BSN: variants seen among roughly 807,000 people sequenced by gnomAD.
BSN encodes the protein protein bassoon.
A neutral mutation model predicts 264.8 loss-of-function variants in BSN; 57 were observed. That is an observed-to-expected ratio of 0.22 (90% CI 0.17 to 0.27). BSN has a LOEUF of 0.27. Ranked by LOEUF, BSN falls within the 10% of genes least tolerant of loss-of-function variation. The pLI is 1.00. For synonymous variants in BSN, 2,059 were observed against 2,137.3 expected, an observed-to-expected ratio of 0.96 and a Z score of 1.01; for missense variants, 4,615 against 5,232.5, an observed-to-expected ratio of 0.88 and a Z score of 3.64.
At chr3:49,596,984 A>G (rs997636591) in intron 1 of BSN, among the ~76,000 whole-genome samples, 1 of 152,118 alleles carries the variant, frequency 6.6e-6, no homozygotes, top group African/African-American at 2.4e-5. Context: ...ATTTGCTTTC[A>G]TTTTTGAATG....
At chr3:49,582,952 C>CATTTATTT (rs36078084) in intron 1 of BSN, among the ~76,000 whole-genome samples, 64,707 of 143,540 alleles carry the variant, frequency 0.45, 15,902 homozygotes, top group East Asian at 0.85. Context: ...TGGTGTATTA[C>CATTTATTT]ATTTATTTAT....
intron 1 of BSN, among the ~76,000 whole-genome samples, chr3:49,592,607 C>G: frequency 6.6e-6 from 1 of 150,872 alleles, no homozygotes; most frequent in Non-Finnish European, 1.5e-5. Context: ...AAAAATTAGC[C>G]GGGCGTGGTG....
In BSN at chr3:49,651,946, A is replaced by G; in HGVS notation, c.2390A>G (p.Gln797Arg). 1.9e-6 allele frequency: 3 copies of G among 1,613,572 alleles called. No homozygotes were observed. Among genetic ancestry groups the G allele is most frequent in the Non-Finnish European group, 1.7e-6 (2 of 1,179,842 alleles). Reference sequence around the variant, plus strand: ...GAGTGGAGGCGCCGGAGAGAGCAGCAGGACACTGCCGAGTCCTCAGACGAC... The same window carrying G: ...GAGTGGAGGCGCCGGAGAGAGCAGCGGGACACTGCCGAGTCCTCAGACGAC... Reference protein sequence around the residue: ...SAEWRRRREQQDTAESSDDFG... With the variant: ...SAEWRRRREQRDTAESSDDFG... The change falls in exon 5 of 12, where the codon CAG becomes CGG. Residue 797 changes from glutamine (Q) to arginine (R), a missense_variant. Gln to Arg is a conservative substitution (Grantham distance 43). This residue lies in a region of BSN where 1,197 missense variants were observed against 1,348.0 expected (regional missense o/e 0.89). Transcript: ENST00000296452. The surrounding 1 kb of genome is among the most constrained non-coding windows in gnomAD (Gnocchi z 5.4).
intron 5 of BSN, among the ~76,000 whole-genome samples, chr3:49,658,581 C>T (rs1283318310): frequency 1.3e-5 from 2 of 152,142 alleles, no homozygotes; most frequent in African/African-American, 4.8e-5. Context: ...TGGGTGTTTC[C>T]TAAGAAAATC....
rs1304545730 is a variant in BSN at position 49,656,579 on chromosome 3, T to C, written c.7023T>C (p.Ala2341=). ...LAGQKPPADA[A]PGGGSGALSR... Reference sequence around the variant, plus strand: ...GCCAGAAGCCACCAGCAGATGCTGCTCCTGGGGGTGGCAGTGGGGCCCTCA... The same window carrying C: ...GCCAGAAGCCACCAGCAGATGCTGCCCCTGGGGGTGGCAGTGGGGCCCTCA... The change falls in exon 5 of 12, where the codon GCT becomes GCC. Residue 2341 remains alanine (A), a synonymous_variant. Transcript: ENST00000296452. 3.1e-6 allele frequency: 5 copies of C among 1,589,974 alleles called. No individual in the cohort carries two copies. Among genetic ancestry groups the C allele is most frequent in the Non-Finnish European group, 4.3e-6 (5 of 1,167,840 alleles).
chr3:49,652,723 A>G lies in BSN; in HGVS notation c.3167A>G (p.Gln1056Arg). 1 of 1,565,980 alleles carries G rather than the reference A, an allele frequency of 6.4e-7. No homozygotes were observed. Among genetic ancestry groups the G allele is most frequent in the Non-Finnish European group, 8.7e-7 (1 of 1,155,706 alleles). ...GAGGAAGAGGAGCTGCTTCGTGAGC[A>G]AGAGAAGATGCGGGAGGTGGAGCAG... is the stretch of plus-strand genomic sequence containing the variant. Reference protein sequence around the residue: ...LREEEELLREQEKMREVEQQR... With the variant: ...LREEEELLREREKMREVEQQR... Residue 1056 changes from glutamine to arginine, a missense_variant, in exon 5 of 12, where the codon CAA becomes CGA. Physicochemically the swap from Gln to Arg is conservative, Grantham distance 43. This residue lies in a region of BSN where 3,415 missense variants were observed against 3,866.4 expected (regional missense o/e 0.88). Coordinates refer to ENST00000296452, the MANE Select transcript of BSN (RefSeq NM_003458.4).
chr3:49,566,788 GAAAAAAAAA>G (rs36043715), intron 1 of BSN, among the ~76,000 whole-genome samples: 7 of 86,072 alleles, frequency 8.1e-5, no homozygotes, highest in Non-Finnish European at 1.5e-4. Context: ...TGTGTTTCAG[GAAAAAAAAA>G]AAAAAAAAAA....
At chr3:49,632,799 AGT>A (rs2052391582) in intron 2 of BSN, among the ~76,000 whole-genome samples, 1 of 151,868 alleles carries the variant, frequency 6.6e-6, no homozygotes, top group African/African-American at 2.4e-5. Context: ...CTAAAAAAAA[AGT>A]GGGGGGGAGC....
intron 1 of BSN, among the ~76,000 whole-genome samples, chr3:49,569,488 A>G (rs2051780425): frequency 6.6e-6 from 1 of 152,204 alleles, no homozygotes; most frequent in Non-Finnish European, 1.5e-5. Context: ...GGATAGAAAG[A>G]TGAACAGGTA....
At chr3:49,574,205 C>T (rs1043451013) in intron 1 of BSN, among the ~76,000 whole-genome samples, 5 of 135,100 alleles carry the variant, frequency 3.7e-5, no homozygotes, top group African/African-American at 8.3e-5. Context: ...TGGGCTAAAG[C>T]GATCTGCCTG....
At chr3:49,623,218 C>G (rs1246496849) in intron 1 of BSN, among the ~76,000 whole-genome samples, 1 of 152,168 alleles carries the variant, frequency 6.6e-6, no homozygotes, top group African/African-American at 2.4e-5. Flanking sequence ...AGAATCTTCT[C>G]CTGGGGCACT....
At chr3:49,574,739 G>A (rs2051828801) in intron 1 of BSN, among the ~76,000 whole-genome samples, 1 of 147,942 alleles carries the variant, frequency 6.8e-6, no homozygotes, top group Non-Finnish European at 1.5e-5. Context: ...GGGTTCAAGT[G>A]ATTCTCTTGC....
chr3:49,624,586 A>G (rs1048267597), intron 1 of BSN, among the ~76,000 whole-genome samples: 1 of 152,148 alleles, frequency 6.6e-6, no homozygotes, highest in African/African-American at 2.4e-5. Context: ...GGCTTGAGCC[A>G]CCATACCTGG....
intron 1 of BSN, among the ~76,000 whole-genome samples, chr3:49,621,295 A>C (rs145476037): frequency 6.6e-6 from 1 of 152,216 alleles, no homozygotes; most frequent in African/African-American, 2.4e-5. Context: ...AAGCCCTGAG[A>C]CTGGGTAAGT....
chr3:49,579,732 A>T (rs1476406742), intron 1 of BSN, among the ~76,000 whole-genome samples: 4 of 149,766 alleles, frequency 2.7e-5, no homozygotes, highest in Non-Finnish European at 5.9e-5. Context: ...GATGCGCTTT[A>T]AAAAATTGAA....
intron 1 of BSN, among the ~76,000 whole-genome samples, chr3:49,612,616 C>T (rs1202603753): frequency 6.6e-6 from 1 of 152,076 alleles, no homozygotes; most frequent in Admixed American, 6.6e-5. Flanking sequence ...CAAGGAGTTA[C>T]TAGGGAGGTG....
chr3:49,623,232 G>A (rs1006350894), intron 1 of BSN, among the ~76,000 whole-genome samples: 3 of 152,164 alleles, frequency 2.0e-5, no homozygotes, highest in Admixed American at 6.5e-5. Context: ...GGGCACTGAG[G>A]CAGCAGCTAC....
intron 1 of BSN, 129 bp downstream of exon 1, chr3:49,554,955 T>G (rs2051653806): frequency 1.9e-6 from 1 of 536,070 alleles, no homozygotes; most frequent in East Asian, 4.2e-5. Context: ...CCCTGCCGGA[T>G]TGGCGTGAAC....
rs1252348943 is a variant in BSN at position 49,585,139 on chromosome 3, CT to C, written c.224+30317del. ...TCTCTTCAATATATTGATTTCCTTTCTTTTGGGTGGATACCCAGTGGTGGGA... is the reference window on the plus strand; with the variant it reads ...TCTCTTCAATATATTGATTTCCTTTCTTTGGGTGGATACCCAGTGGTGGGA... On this transcript the variant is annotated intron_variant, in intron 1 of 11. Transcript: ENST00000296452. The surrounding 1 kb of genome is among the most constrained non-coding windows in gnomAD (Gnocchi z 4.7). 1.3e-5 allele frequency among the ~76,000 whole-genome samples: 2 copies of C among 151,864 alleles called. No homozygotes were observed. The highest frequency in any genetic ancestry group is 2.9e-5 in the Non-Finnish European group (2 of 67,994).
Sources: gnomAD v4.1 joint callset for allele counts (sites outside exome capture counted in the v4.1 genomes callset) on GRCh38, gnomAD v4.1.1 for gene constraint, gnomAD v4.1.1 regional missense constraint, Gnocchi (gnomAD v3.1) non-coding constraint, MANE v1.5 for transcripts, NCBI Gene and HGNC (gene_info 2026-07-23, HGNC 2026-07-21) for gene names.